PTPRK: variants seen among roughly 807,000 people sequenced by gnomAD.
The protein encoded by PTPRK is protein tyrosine phosphatase receptor type K, also known as receptor-type tyrosine-protein phosphatase kappa.
PTPRK carries 75 observed loss-of-function variants against 178.0 expected under a neutral mutation model. That is an observed-to-expected ratio of 0.42 (90% CI 0.35 to 0.51). The LOEUF (loss-of-function observed/expected upper bound fraction) is 0.51, where lower values mean the gene tolerates loss of function less well. PTPRK is among the 20% of genes least tolerant of loss of function. PTPRK has a pLI of 0.02. For synonymous variants in PTPRK, 637 were observed against 620.6 expected (o/e 1.03, Z -0.39); for missense variants, 1,441 against 1,797.8 (o/e 0.80, Z 3.59).
At chr6:128,124,057 T>G (rs74339323) in intron 7 of PTPRK, among the ~76,000 whole-genome samples, 15 of 151,388 alleles carry the variant, frequency 9.9e-5, no homozygotes, top group Non-Finnish European at 1.9e-4. Flanking sequence ...TTTTTTTTTT[T>G]CCTTGAGACA....
rs542437094 is a variant in PTPRK, at chr6:127,981,323, G to A, written c.3538-34C>T. ...AAAAGAGAACCCAGGTTAAAAGACA[G>A]TGTGACCCATTTAACAGTATAACAC... On this transcript the variant is annotated intron_variant, in intron 24 of 29. Transcript: ENST00000368226. 265 of 1,573,588 alleles carry A rather than the reference G, an allele frequency of 1.7e-4. 2 individuals carry two copies. In the South Asian group the frequency reaches 2.8e-3, roughly 17 times the overall value.
intron 1 of PTPRK, among the ~76,000 whole-genome samples, chr6:128,501,531 G>T (rs556759736): frequency 2.2e-3 from 338 of 152,294 alleles, no homozygotes; most frequent in Non-Finnish European, 3.9e-3. Flanking sequence ...TAGACACTAG[G>T]TTTTTTGTGG....
rs375248533 is a variant in PTPRK, at chr6:127,973,148, G to T, written c.4143C>A (p.Gly1381=). 1 of 1,612,980 alleles carries T rather than the reference G, an allele frequency of 6.2e-7. No individual in the cohort carries two copies. The highest frequency in any genetic ancestry group is 8.5e-7 in the Non-Finnish European group (1 of 1,179,398). ...TAGCACAGAACATGCCACTTCGCCC[G>T]CCACCATTTCTGAAAGCAAAGAAAG... ...GRTIIHCLNG[G]GRSGMFCAIG... The change falls in exon 29 of 30, where the codon GGC becomes GGA. Residue 1381 remains glycine (G), a synonymous_variant. Transcript: ENST00000368226.
At chr6:128,119,170 T>A (rs1419374370) in intron 7 of PTPRK, among the ~76,000 whole-genome samples, 1 of 152,108 alleles carries the variant, frequency 6.6e-6, no homozygotes. Flanking sequence ...AGGGTCTTGA[T>A]TCTCTCCAGT....
intron 6 of PTPRK, among the ~76,000 whole-genome samples, chr6:128,207,623 T>C (rs1265016759): frequency 2.0e-5 from 3 of 152,134 alleles, no homozygotes; most frequent in Non-Finnish European, 4.4e-5. Flanking sequence ...AAAAGCAGTG[T>C]TTCAATCTGA....
At chr6:128,235,971 T>C (rs1020613857) in intron 5 of PTPRK, among the ~76,000 whole-genome samples, 2 of 152,186 alleles carry the variant, frequency 1.3e-5, no homozygotes, top group Non-Finnish European at 2.9e-5. Flanking sequence ...TTACAGTATA[T>C]TGTTATAATT....
At chr6:128,211,521 A>C (rs190921672) in intron 6 of PTPRK, among the ~76,000 whole-genome samples, 13 of 152,260 alleles carry the variant, frequency 8.5e-5, no homozygotes, top group Non-Finnish European at 1.9e-4. Context: ...TTTGATCGAC[A>C]CATTAATAAA....
At chr6:127,982,722 C>T (rs888538419) in intron 24 of PTPRK, 109 bp downstream of exon 24, 12 of 933,934 alleles carry the variant, frequency 1.3e-5, no homozygotes, top group Middle Eastern at 2.3e-4. Context: ...GTATTTAAAA[C>T]AGGATCAAAG....
chr6:128,184,229 T>G (rs955308306), intron 7 of PTPRK, among the ~76,000 whole-genome samples: 12 of 152,146 alleles, frequency 7.9e-5, no homozygotes, highest in Non-Finnish European at 1.5e-4. Context: ...TAATAATGGC[T>G]TGAGAATAGA....
chr6:128,198,320 T>C (rs761676498), intron 6 of PTPRK, among the ~76,000 whole-genome samples: 3 of 152,224 alleles, frequency 2.0e-5, no homozygotes, highest in African/African-American at 4.8e-5. Context: ...TCCAGCCTCA[T>C]GTGTTATCAC....
intron 13 of PTPRK, among the ~76,000 whole-genome samples, chr6:128,057,488 G>A (rs1780097199): frequency 6.6e-6 from 1 of 152,202 alleles, no homozygotes; most frequent in South Asian, 2.1e-4. Flanking sequence ...ATAGCAAGAA[G>A]GGGTCCATGT....
chr6:128,134,430 G>A (rs4129794), intron 7 of PTPRK, among the ~76,000 whole-genome samples: 5,262 of 152,156 alleles, frequency 0.035, 312 homozygotes, highest in African/African-American at 0.12. Context: ...AGTTTTATGC[G>A]TCAGCTTGGC....
chr6:128,049,212 CA>C (rs1379071377), intron 13 of PTPRK, among the ~76,000 whole-genome samples: 3 of 152,082 alleles, frequency 2.0e-5, no homozygotes, highest in African/African-American at 7.2e-5. Flanking sequence ...GACTAACATA[CA>C]AACTTCTGCC....
intron 1 of PTPRK, among the ~76,000 whole-genome samples, chr6:128,463,203 G>A (rs1469805634): frequency 2.0e-5 from 3 of 152,150 alleles, no homozygotes; most frequent in Non-Finnish European, 4.4e-5. Context: ...GATAAAGTGT[G>A]GAAGAAAAGG....
intron 2 of PTPRK, among the ~76,000 whole-genome samples, chr6:128,389,019 T>C (rs1839167097): frequency 6.6e-6 from 1 of 152,190 alleles, no homozygotes; most frequent in South Asian, 2.1e-4. Context: ...TTTAATTTTA[T>C]TCTCATAAAC....
intron 11 of PTPRK, among the ~76,000 whole-genome samples, chr6:128,069,592 C>T (rs1451436919): frequency 3.3e-5 from 5 of 152,048 alleles, no homozygotes; most frequent in African/African-American, 1.2e-4. Context: ...CATATAAACT[C>T]CCTCATACAT....
chr6:128,371,206 C>T lies in PTPRK; in HGVS notation c.223+26360G>A, dbSNP rs564629706. 2.6e-5 allele frequency among the ~76,000 whole-genome samples: 4 copies of T among 152,338 alleles called. No individual in the cohort carries two copies. In the South Asian group the frequency reaches 8.3e-4, roughly 32 times the overall value. ...ATTATTTCCCTTTACAATTATTATA[C>T]TGTCGATTCATTTTATTAGTTACAT... On this transcript the variant is annotated intron_variant, in intron 2 of 29. Coordinates refer to ENST00000368226, the MANE Select transcript of PTPRK (RefSeq NM_002844.4).
intron 3 of PTPRK, among the ~76,000 whole-genome samples, chr6:128,245,929 T>A (rs1815374622): frequency 6.6e-6 from 1 of 152,184 alleles, no homozygotes; most frequent in South Asian, 2.1e-4. Flanking sequence ...TTCACATAAA[T>A]TTGAGATTTG....
chr6:128,330,225 C>A (rs547700312), intron 2 of PTPRK, among the ~76,000 whole-genome samples: 10 of 152,216 alleles, frequency 6.6e-5, no homozygotes, highest in Non-Finnish European at 1.5e-4. Context: ...TGATTTGGGT[C>A]TCAGCCCATC....
Sources: gnomAD v4.1 joint callset for allele counts (sites outside exome capture counted in the v4.1 genomes callset) on GRCh38, gnomAD v4.1.1 for gene constraint, MANE v1.5 for transcripts, NCBI Gene and HGNC (gene_info 2026-07-23, HGNC 2026-07-21) for gene names.